The following COG7 variants were observed in gnomAD, a reference collection of about 807,000 sequenced individuals.
COG7 encodes conserved oligomeric Golgi complex subunit 7.
Under a neutral mutation model 91.5 loss-of-function variants are expected in COG7, and 49 were observed. The observed-to-expected ratio is 0.54, with a 90% CI of 0.43 to 0.68. The LOEUF (loss-of-function observed/expected upper bound fraction) is 0.68, where lower values mean the gene tolerates loss of function less well. Ranked by LOEUF, COG7 falls within the 30% of genes least tolerant of loss-of-function variation. The pLI, the probability that COG7 is intolerant of heterozygous loss-of-function variation, is 0.00. For synonymous variants in COG7, 365 were observed against 388.7 expected (o/e 0.94, Z 0.72); for missense variants, 895 against 961.3 (o/e 0.93, Z 0.91).
At chr16:23,401,481 CTGGG>C in intron 13 of COG7, among the ~76,000 whole-genome samples, 1 of 152,170 alleles carries the variant, frequency 6.6e-6, no homozygotes, top group Non-Finnish European at 1.5e-5. Context: ...TAGAACTAAG[CTGGG>C]AAGCACTGAG....
intron 1 of COG7, among the ~76,000 whole-genome samples, chr16:23,451,625 C>G (rs978845405): frequency 6.7e-6 from 1 of 149,844 alleles, no homozygotes; most frequent in Non-Finnish European, 1.5e-5. Flanking sequence ...GAGGCTGAGG[C>G]GAGCGGACTG....
chr16:23,442,836 G>C (rs1964123781), intron 3 of COG7, among the ~76,000 whole-genome samples, 191 bp from the exon 4 acceptor site: 1 of 152,004 alleles, frequency 6.6e-6, no homozygotes, highest in African/African-American at 2.4e-5. Flanking sequence ...AGGAGTTCAA[G>C]ACCAGCCTGG....
At chr16:23,416,188 C>A (rs1173138605) in intron 9 of COG7, 1 of 152,244 alleles carries the variant, frequency 6.6e-6, no homozygotes, top group African/African-American at 2.4e-5. Context: ...CACCATCATG[C>A]CTACCTGATT....
chr16:23,422,629 G>A (rs1249095293), intron 7 of COG7, among the ~76,000 whole-genome samples: 1 of 151,730 alleles, frequency 6.6e-6, no homozygotes, highest in Non-Finnish European at 1.5e-5. Flanking sequence ...TGTTGTTGGT[G>A]GCTCTGACTG....
chr16:23,441,076 A>T (rs942001367), intron 4 of COG7, among the ~76,000 whole-genome samples: 6 of 152,248 alleles, frequency 3.9e-5, no homozygotes, highest in East Asian at 3.9e-4. Context: ...GAAAAAAAAA[A>T]TTTTTAAGGA....
At chr16:23,437,157 T>A (rs1472126200) in intron 4 of COG7, among the ~76,000 whole-genome samples, 1 of 151,800 alleles carries the variant, frequency 6.6e-6, no homozygotes, top group Non-Finnish European at 1.5e-5. Flanking sequence ...CTGCCTAGAG[T>A]CAAGCCTGAT....
intron 14 of COG7, among the ~76,000 whole-genome samples, chr16:23,396,566 C>T (rs1029374369): frequency 9.2e-5 from 14 of 151,498 alleles, no homozygotes; most frequent in Admixed American, 2.0e-4. Flanking sequence ...GTAATCCCAG[C>T]TACTCGGAAG....
At chr16:23,438,730 C>CA (rs58582122) in intron 4 of COG7, among the ~76,000 whole-genome samples, 44,155 of 148,914 alleles carry the variant, frequency 0.3, 7,390 homozygotes, top group African/African-American at 0.47. Flanking sequence ...GGCTATAATC[C>CA]AAAAAAAAAC....
At position 23,424,812 on chromosome 16, in the gene COG7, C is replaced by T; in HGVS notation, c.946G>A (p.Glu316Lys). ...AAGTGGGCGGTGGCGTCGTAGAACT[C>T]CAGCAGCCTGGTGAGCTCCTGCTCG... ...GPEQELTRLLEFYDATAHFAK... is the reference protein window; with the variant it reads ...GPEQELTRLLKFYDATAHFAK... Residue 316 changes from glutamate to lysine, a missense_variant, in exon 7 of 17, where the codon GAG becomes AAG. Physicochemically the swap from Glu to Lys is moderately conservative, Grantham distance 56 (BLOSUM62 1). Coordinates refer to ENST00000307149, the MANE Select transcript of COG7 (RefSeq NM_153603.4). 6 of 1,614,226 alleles carry T rather than the reference C, an allele frequency of 3.7e-6. No individual in the cohort carries two copies. In the East Asian group the frequency reaches 1.1e-4, roughly 30 times the overall value.
In COG7 at chr16:23,392,367, TGTG is replaced by T. The variant is rs781282819; in HGVS notation, c.2146+10_2146+12del. On this transcript the variant is annotated intron_variant, in intron 16 of 16. Coordinates refer to ENST00000307149, the MANE Select transcript of COG7 (RefSeq NM_153603.4). Reference sequence around the variant, plus strand: ...GAGCTGTCCCTCCCACCGCCTGTCTTGTGGGGACCCACCGATGTCAGTGGCCAG... The same window carrying T: ...GAGCTGTCCCTCCCACCGCCTGTCTTGGGACCCACCGATGTCAGTGGCCAG... 1 of 1,614,096 alleles carries T rather than the reference TGTG, an allele frequency of 6.2e-7. No individual in the cohort carries two copies. Among genetic ancestry groups the T allele is most frequent in the Non-Finnish European group, 8.5e-7 (1 of 1,180,018 alleles).
At chr16:23,417,344 G>A (rs1963673971) in intron 8 of COG7, 9 of 592,720 alleles carry the variant, frequency 1.5e-5, no homozygotes, top group African/African-American at 5.6e-5. Context: ...AAGCATGATC[G>A]AATGTCTGTC....
intron 3 of COG7, 89 bp downstream of exon 3, chr16:23,444,959 G>T: frequency 1.1e-6 from 1 of 945,746 alleles, no homozygotes; most frequent in Non-Finnish European, 1.8e-6. Flanking sequence ...GCTGCTATTG[G>T]CTATCAACTT....
chr16:23,438,635 A>G (rs1317586555), intron 4 of COG7, among the ~76,000 whole-genome samples: 1 of 152,180 alleles, frequency 6.6e-6, no homozygotes, highest in African/African-American at 2.4e-5. Context: ...ATAGTCAATA[A>G]GCAAATGAAA....
rs1364778020 is a variant in COG7 at position 23,410,330 on chromosome 16, C to A, written c.1440G>T (p.Arg480=). 6.2e-7 allele frequency: 1 copy of A among 1,614,066 alleles called. No homozygotes were observed. The highest frequency in any genetic ancestry group is 8.5e-7 in the Non-Finnish European group (1 of 1,179,982). Residue 480 remains arginine (R), a synonymous_variant, in exon 11 of 17, where the codon CGG becomes CGT. Coordinates refer to ENST00000307149, the MANE Select transcript of COG7 (RefSeq NM_153603.4). ...GCTGCTGCTCGAAGTCCCCACAATG[C>A]CGCAAAAGCTCTCCACAGGTGGCTA... The part of the protein sequence containing the change: ...RIIATCGELL[R]HCGDFEQQLA...
chr16:23,441,112 T>C (rs1056993575), intron 4 of COG7, among the ~76,000 whole-genome samples: 1 of 151,882 alleles, frequency 6.6e-6, no homozygotes, highest in East Asian at 1.9e-4. Context: ...AATGAAGATA[T>C]GAATTGGTAG....
chr16:23,442,374 T>C (rs1029073489), intron 4 of COG7, 103 bp downstream of exon 4: 35 of 1,008,554 alleles, frequency 3.5e-5, no homozygotes, highest in Non-Finnish European at 5.4e-5. Context: ...CCTTCTAATC[T>C]ATGTAATTCA....
intron 1 of COG7, among the ~76,000 whole-genome samples, chr16:23,451,725 C>CAA (rs34572078): frequency 2.0e-4 from 16 of 78,266 alleles, no homozygotes; most frequent in East Asian, 3.9e-4. Context: ...GACCCTGTCT[C>CAA]AAAAAAAAAA....
chr16:23,409,079 GTGTGTGTGTGCGTGCA>G (rs1463020154), intron 11 of COG7, among the ~76,000 whole-genome samples: 1 of 132,752 alleles, frequency 7.5e-6, no homozygotes. Context: ...GTGTGTGTGT[GTGTGTGTGTGCGTGCA>G]TGTGTGTGTG....
At chr16:23,431,099 A>T (rs1477310014) in intron 6 of COG7, among the ~76,000 whole-genome samples, 2 of 152,212 alleles carry the variant, frequency 1.3e-5, no homozygotes, top group African/African-American at 2.4e-5. Flanking sequence ...AGACAGGCAG[A>T]TCTGCAATAA....
Sources: gnomAD v4.1 joint callset for allele counts (sites outside exome capture counted in the v4.1 genomes callset) on GRCh38, gnomAD v4.1.1 for gene constraint, MANE v1.5 for transcripts, NCBI Gene and HGNC (gene_info 2026-07-23, HGNC 2026-07-21) for gene names.